The following PORCN variants were observed in gnomAD, a reference collection of about 807,000 sequenced individuals.
PORCN encodes the protein porcupine O-acyltransferase, also known as protein-serine O-palmitoleoyltransferase porcupine.
PORCN carries 1 observed loss-of-function variant against 43.0 expected under a neutral mutation model. The ratio of observed to expected loss-of-function variants is 0.02; its 90% CI spans 0.01 to 0.11. The LOEUF (loss-of-function observed/expected upper bound fraction) is 0.11. Among genes scored for constraint, PORCN ranks in the 10% least tolerant of loss-of-function variants. The pLI is 1.00. For missense variants in PORCN, 240 were observed against 392.1 expected, an observed-to-expected ratio of 0.61 and a Z score of 3.28; for synonymous variants, 148 against 166.4, an observed-to-expected ratio of 0.89 and a Z score of 0.85.
chrX:48,510,828 C>T (rs2061670091), intron 2 of PORCN, among the ~76,000 whole-genome samples: 1 of 110,253 alleles, frequency 9.1e-6, no homozygotes, highest in South Asian at 3.9e-4. Context: ...TCCTGAATTG[C>T]CTGAATAACC....
chrX:48,510,576 TTC>T (rs1466829211), intron 2 of PORCN, among the ~76,000 whole-genome samples: 1 of 112,018 alleles, frequency 8.9e-6, no homozygotes, highest in East Asian at 2.8e-4. Flanking sequence ...ACTTTCTTTT[TTC>T]TTTCTTTCTT....
In PORCN at chrX:48,511,381, G is replaced by A; in HGVS notation, c.223G>A (p.Val75Ile). Residue 75 changes from valine (V) to isoleucine (I), a missense_variant, in exon 3 of 15, where the codon GTC becomes ATC. Physicochemically the swap from Val to Ile is conservative, Grantham distance 29. Coordinates refer to ENST00000326194, the MANE Select transcript of PORCN (RefSeq NM_203475.3). ...CTTCTTCCAGCTGCACATGGTTTGG[G>A]TCGTGCTGCTCAGCCTCCTGTGCTA... Reference protein sequence around the residue: ...YHFFQLHMVWVVLLSLLCYLV... With the variant: ...YHFFQLHMVWIVLLSLLCYLV... The A allele has an allele frequency of 8.3e-7, 1 of 1,211,188 alleles. No homozygotes were observed. Among genetic ancestry groups the A allele is most frequent in the Non-Finnish European group, 1.1e-6 (1 of 894,997 alleles).
At position 48,512,356 on chromosome X, in the gene PORCN, T is replaced by C. The variant is rs369572234; in HGVS notation, c.404T>C (p.Val135Ala). 3.0e-5 allele frequency: 36 copies of C among 1,210,431 alleles called. No homozygotes were observed. The highest frequency in any genetic ancestry group is 3.2e-5 in the Non-Finnish European group (29 of 895,304). The part of the protein sequence containing the change: ...GAQMIVAMKA[V>A]SLGFDLDRGE... ...CAGATGATTGTGGCCATGAAGGCAG[T>C]GTCTCTGGGCTTCGACCTGGACCGG... Residue 135 changes from valine (V) to alanine (A), a missense_variant, in exon 5 of 15, where the codon GTG becomes GCG. Transcript: ENST00000326194.
chrX:48,510,688 C>T (rs1046374507), intron 2 of PORCN, among the ~76,000 whole-genome samples: 25 of 112,299 alleles, frequency 2.2e-4, no homozygotes, highest in African/African-American at 8.1e-4. Flanking sequence ...TGAGCACCCA[C>T]GTATGCATCA....
chrX:48,520,643 C>A lies in PORCN; in HGVS notation c.*167C>A. The A allele has an allele frequency of 2.1e-6, 1 of 485,906 alleles. No homozygotes were observed. The highest frequency in any genetic ancestry group is 2.8e-5 in the South Asian group (1 of 36,348). 40.0% of individuals were successfully genotyped at this position (485,906 alleles called of 1,213,427 possible). On this transcript the variant is annotated 3_prime_UTR_variant, in exon 15 of 15. Transcript: ENST00000326194. ...ACACAAAATCACACCATTTTCATGC[C>A]TGTCAATCCCCACCCCACCACAAGG...
At chrX:48,516,411 T>C (rs2061718066) in intron 13 of PORCN, among the ~76,000 whole-genome samples, 1 of 111,691 alleles carries the variant, frequency 9.0e-6, no homozygotes, top group Non-Finnish European at 1.9e-5. Context: ...ACACGGTGAA[T>C]GAAACAGACT....
At chrX:48,509,282 G>C (rs1556973306) in intron 1 of PORCN, 179 bp downstream of exon 1, 1 of 236,824 alleles carries the variant, frequency 4.2e-6, no homozygotes, top group Non-Finnish European at 7.9e-6. Context: ...GACTTTGTTG[G>C]CGGCCTCTCG....
chrX:48,520,328 T>G, intron 14 of PORCN, 47 bp from the exon 15 acceptor site: 1 of 1,046,347 alleles, frequency 9.6e-7, no homozygotes, highest in East Asian at 3.0e-5. Flanking sequence ...TCCTAAGAAC[T>G]TCTTTGTCCT....
chrX:48,515,703 C>T lies in PORCN; in HGVS notation c.947-14C>T. The T allele has an allele frequency of 8.3e-7, 1 of 1,200,241 alleles. No individual in the cohort carries two copies. Among genetic ancestry groups the T allele is most frequent in the Middle Eastern group, 2.3e-4 (1 of 4,314 alleles). On this transcript the variant is annotated splice_polypyrimidine_tract_variant and intron_variant, in intron 10 of 14. Transcript: ENST00000326194. ...CTTTCAGGAGAATTTTATCCCACATCTCTTCCCCTCCAGATGTTTTCAAGA... is the reference window on the plus strand; with the variant it reads ...CTTTCAGGAGAATTTTATCCCACATTTCTTCCCCTCCAGATGTTTTCAAGA...
In PORCN at chrX:48,512,414, G is replaced by T; in HGVS notation, c.462G>T (p.Glu154Asp). The T allele has an allele frequency of 8.3e-7, 1 of 1,211,819 alleles. No individual in the cohort carries two copies. The highest frequency in any genetic ancestry group is 1.1e-6 in the Non-Finnish European group (1 of 895,413). Residue 154 changes from glutamate to aspartate, a missense_variant, in exon 5 of 15, where the codon GAG (glutamate) becomes GAT (aspartate). Transcript: ENST00000326194. ...TGGGTACGGTGCCCTCGCCAGTGGAGTTCATGGGCTACCTCTACTTCGTGG... is the reference window on the plus strand; with the variant it reads ...TGGGTACGGTGCCCTCGCCAGTGGATTTCATGGGCTACCTCTACTTCGTGG... ...GEVGTVPSPV[E>D]FMGYLYFVGT...
chrX:48,513,220 G>T (rs1401987890), intron 7 of PORCN, among the ~76,000 whole-genome samples: 1 of 112,946 alleles, frequency 8.9e-6, no homozygotes, highest in Non-Finnish European at 1.9e-5. Context: ...ATGTAAGCCT[G>T]TGTGGCTGTC....
chrX:48,518,998 A>G (rs6609756), intron 14 of PORCN, among the ~76,000 whole-genome samples: 37,711 of 110,614 alleles, frequency 0.34, 4,785 homozygotes, highest in East Asian at 0.39. Context: ...CTTTTTAAAT[A>G]AAGTTTTTGT....
At chrX:48,511,253 T>C in intron 2 of PORCN, 42 bp from the exon 3 acceptor site, 1 of 1,045,041 alleles carries the variant, frequency 9.6e-7, no homozygotes. Context: ...TCTCTCTCTT[T>C]CTCGTTCTCT....
At chrX:48,510,683 A>C (rs2061667971) in intron 2 of PORCN, among the ~76,000 whole-genome samples, 1 of 112,091 alleles carries the variant, frequency 8.9e-6, no homozygotes, top group Non-Finnish European at 1.9e-5. Context: ...TACAGTGAGC[A>C]CCCACGTATG....
chrX:48,517,081 A>G (rs782323150), intron 13 of PORCN, 102 bp from the exon 14 acceptor site: 1 of 621,594 alleles, frequency 1.6e-6, no homozygotes, highest in Admixed American at 2.7e-5. Context: ...TCAGTCCTGG[A>G]ACCCACTGTG....
chrX:48,512,393 T>C lies in PORCN; in HGVS notation c.441T>C (p.Gly147=). 1 of 1,211,337 alleles carries C rather than the reference T, an allele frequency of 8.3e-7. No individual in the cohort carries two copies. Among genetic ancestry groups the C allele is most frequent in the East Asian group, 3.0e-5 (1 of 33,809 alleles). Residue 147 remains glycine (G), a synonymous_variant, in exon 5 of 15, where the codon GGT becomes GGC. Coordinates refer to ENST00000326194, the MANE Select transcript of PORCN (RefSeq NM_203475.3). Reference sequence around the variant, plus strand: ...TCGACCTGGACCGGGGCGAGGTGGGTACGGTGCCCTCGCCAGTGGAGTTCA... The same window carrying C: ...TCGACCTGGACCGGGGCGAGGTGGGCACGGTGCCCTCGCCAGTGGAGTTCA... ...LGFDLDRGEV[G]TVPSPVEFMG...
In PORCN at chrX:48,520,654, C is replaced by T; in HGVS notation, c.*178C>T. On this transcript the variant is annotated 3_prime_UTR_variant, in exon 15 of 15. Transcript: ENST00000326194. The stretch of plus-strand genomic sequence containing the variant: ...CACCATTTTCATGCCTGTCAATCCC[C>T]ACCCCACCACAAGGCAGGAAGGGGG... 2.1e-6 allele frequency: 1 copy of T among 478,333 alleles called. No individual in the cohort carries two copies. The highest frequency in any genetic ancestry group is 3.8e-6 in the Non-Finnish European group (1 of 265,415). The allele number at this position is 478,333 out of a possible 1,213,427, so 39.4% of individuals were successfully genotyped here.
chrX:48,512,216 C>A, intron 4 of PORCN, 110 bp from the exon 5 acceptor site: 1 of 905,301 alleles, frequency 1.1e-6, no homozygotes, highest in Non-Finnish European at 1.6e-6. Context: ...CCATGCCCAC[C>A]TATCCATCCT....
At chrX:48,514,001 C>A in intron 7 of PORCN, 126 bp from the exon 8 acceptor site, 1 of 790,298 alleles carries the variant, frequency 1.3e-6, no homozygotes. Context: ...GTGTGACTAT[C>A]ATAGTTCACC....
Sources: gnomAD v4.1 joint callset for allele counts (sites outside exome capture counted in the v4.1 genomes callset) on GRCh38, gnomAD v4.1.1 for gene constraint, MANE v1.5 for transcripts, NCBI Gene and HGNC (gene_info 2026-07-23, HGNC 2026-07-21) for gene names.